The following ARSF variants were observed in gnomAD, a reference collection of about 807,000 sequenced individuals.
The protein encoded by ARSF is arylsulfatase F.
In ARSF, 33 loss-of-function variants were observed where a neutral mutation model predicts 35.4. The ratio of observed to expected loss-of-function variants is 0.93; its 90% CI spans 0.71 to 1.25. The LOEUF (loss-of-function observed/expected upper bound fraction) is 1.25. Among genes scored for constraint, ARSF ranks in the 50% most tolerant of loss-of-function variants. The pLI is 0.00. For synonymous variants in ARSF, 222 were observed against 193.1 expected (o/e 1.15, Z -1.24); for missense variants, 501 against 480.2 (o/e 1.04, Z -0.40).
chrX:3,063,462 A>G (rs1254297241), intron 1 of ARSF, among the ~76,000 whole-genome samples: 3 of 111,651 alleles, frequency 2.7e-5, no homozygotes, highest in Non-Finnish European at 5.6e-5. Flanking sequence ...CAGGGCAATC[A>G]GGCAAGAGAA....
chrX:3,086,014 C>CT (rs1241180709), intron 6 of ARSF, among the ~76,000 whole-genome samples: 9 of 110,126 alleles, frequency 8.2e-5, no homozygotes, highest in Non-Finnish European at 3.8e-5. Flanking sequence ...GAGGGAGACT[C>CT]TGTCTTAAAA....
chrX:3,076,883 A>G (rs948935360), intron 4 of ARSF, among the ~76,000 whole-genome samples: 5 of 111,491 alleles, frequency 4.5e-5, no homozygotes, highest in Admixed American at 1.9e-4. Context: ...CATCTCCACA[A>G]AATTTTTTTA....
At chrX:3,051,149 C>A (rs2089995823) in intron 1 of ARSF, among the ~76,000 whole-genome samples, 1 of 111,622 alleles carries the variant, frequency 9.0e-6, no homozygotes, top group Non-Finnish European at 1.9e-5. Flanking sequence ...CTACCGATTT[C>A]CAGTGAGAAA....
intron 1 of ARSF, among the ~76,000 whole-genome samples, chrX:3,053,991 A>C (rs899210225): frequency 9.1e-6 from 1 of 110,315 alleles, no homozygotes; most frequent in Non-Finnish European, 1.9e-5. Context: ...TGAACTCCTG[A>C]CCTCAGGTGA....
chrX:3,080,505 T>C (rs1013286879), intron 4 of ARSF, among the ~76,000 whole-genome samples: 4 of 110,676 alleles, frequency 3.6e-5, no homozygotes, highest in Non-Finnish European at 7.6e-5. Context: ...TTAGTCTGTT[T>C]GGGCTGCTAT....
At chrX:3,101,373 G>A in intron 8 of ARSF, 152 bp downstream of exon 8, 1 of 675,796 alleles carries the variant, frequency 1.5e-6, no homozygotes. Flanking sequence ...TTGGACCAAG[G>A]TCAAGAAAAT....
intron 1 of ARSF, among the ~76,000 whole-genome samples, chrX:3,062,597 T>C (rs1212271415): frequency 1.2e-4 from 13 of 110,072 alleles, no homozygotes; most frequent in African/African-American, 4.3e-4. Flanking sequence ...ATCAAATAGA[T>C]GCAATAAAAA....
At chrX:3,077,686 C>T (rs1466142120) in intron 4 of ARSF, among the ~76,000 whole-genome samples, 2 of 109,985 alleles carry the variant, frequency 1.8e-5, no homozygotes, top group Non-Finnish European at 3.8e-5. Flanking sequence ...AAGTCATAAA[C>T]CAAGAAATAG....
At position 3,060,543 on chromosome X, in the gene ARSF, C is replaced by T. The variant is rs188733646; in HGVS notation, c.-28-7530C>T. Among the ~76,000 whole-genome samples the T allele has an allele frequency of 5.4e-5, 6 of 111,436 alleles. No individual in the cohort carries two copies. In the East Asian group the frequency reaches 8.5e-4, roughly 16 times the overall value. On this transcript the variant is annotated intron_variant, in intron 1 of 10. Transcript: ENST00000381127. Reference sequence around the variant, plus strand: ...AGCTAAAGGAAATGTTCAAACCCATCGCAAGGACGCTAAAAACCTTGAAAA... The same window carrying T: ...AGCTAAAGGAAATGTTCAAACCCATTGCAAGGACGCTAAAAACCTTGAAAA...
chrX:3,082,327 T>C (rs73635397), intron 5 of ARSF, among the ~76,000 whole-genome samples: 1 of 111,431 alleles, frequency 9.0e-6, no homozygotes, highest in East Asian at 2.8e-4. Context: ...CGGTCATCTC[T>C]CTCTCTTTCT....
intron 2 of ARSF, among the ~76,000 whole-genome samples, chrX:3,069,603 C>T (rs1030004624): frequency 2.7e-5 from 3 of 111,585 alleles, no homozygotes; most frequent in African/African-American, 9.8e-5. Context: ...TGAGCCACTG[C>T]AACCTGACTT....
At chrX:3,055,158 C>T (rs1386274426) in intron 1 of ARSF, among the ~76,000 whole-genome samples, 1 of 106,402 alleles carries the variant, frequency 9.4e-6, no homozygotes, top group Non-Finnish European at 1.9e-5. Context: ...GCCTGAACAA[C>T]ATGGAGAAAC....
chrX:3,055,223 T>A (rs947239800), intron 1 of ARSF, among the ~76,000 whole-genome samples: 1 of 104,665 alleles, frequency 9.6e-6, no homozygotes, highest in Non-Finnish European at 1.9e-5. Context: ...ATGCCTGTAA[T>A]CCCAGCTACT....
chrX:3,067,026 A>G (rs922758699), intron 1 of ARSF, among the ~76,000 whole-genome samples: 5 of 109,096 alleles, frequency 4.6e-5, no homozygotes, highest in Middle Eastern at 4.6e-3. Context: ...AATGGATTCC[A>G]AACCAATTTT....
At chrX:3,040,340 C>T (rs1402878239), upstream of ARSF, among the ~76,000 whole-genome samples, 1 of 110,946 alleles carries the variant, frequency 9.0e-6, no homozygotes, top group African/African-American at 3.3e-5. Context: ...CCAGTGGAAC[C>T]GGTGAGTCCT....
intron 1 of ARSF, among the ~76,000 whole-genome samples, chrX:3,053,994 T>G (rs994921407): frequency 2.7e-5 from 3 of 110,499 alleles, no homozygotes; most frequent in African/African-American, 9.9e-5. Context: ...ACTCCTGACC[T>G]CAGGTGATCC....
At chrX:3,110,304 A>G in intron 10 of ARSF, 52 bp downstream of exon 10, 6 of 1,075,642 alleles carry the variant, frequency 5.6e-6, no homozygotes, top group Non-Finnish European at 7.3e-6. Flanking sequence ...AGGGTCACTC[A>G]GGTGTATCCT....
At position 3,072,091 on chromosome X, in the gene ARSF, A is replaced by G; in HGVS notation, c.77A>G (p.His26Arg). The change falls in exon 3 of 11, where the codon CAT (histidine) becomes CGT (arginine). Residue 26 changes from histidine (H) to arginine (R), a missense_variant. His to Arg is a conservative substitution (Grantham distance 29). Transcript: ENST00000381127. The part of the protein sequence containing the change: ...LLNTCQAHRV[H>R]DDKPNIVLIM... ...AACACATGCCAGGCACACAGGGTGCATGACGACAAGCCTAATATTGTCCTA... is the reference window on the plus strand; with the variant it reads ...AACACATGCCAGGCACACAGGGTGCGTGACGACAAGCCTAATATTGTCCTA... 1 of 1,211,267 alleles carries G rather than the reference A, an allele frequency of 8.3e-7. No individual in the cohort carries two copies.
chrX:3,110,813 A>C (rs1264923982), intron 10 of ARSF, among the ~76,000 whole-genome samples: 6 of 111,757 alleles, frequency 5.4e-5, no homozygotes, highest in Non-Finnish European at 1.1e-4. Flanking sequence ...CGGTAGAATC[A>C]CTTGAACCCA....
Sources: gnomAD v4.1 joint callset for allele counts (sites outside exome capture counted in the v4.1 genomes callset) on GRCh38, gnomAD v4.1.1 for gene constraint, MANE v1.5 for transcripts, NCBI Gene and HGNC (gene_info 2026-07-23, HGNC 2026-07-21) for gene names.